Variants in UVRAG observed in about 807,000 individuals in gnomAD.
The protein encoded by UVRAG is UV radiation resistance-associated gene protein.
In UVRAG, 19 loss-of-function variants were observed where a neutral mutation model predicts 78.0. The ratio of observed to expected loss-of-function variants is 0.24; its 90% confidence interval spans 0.17 to 0.36. The LOEUF (loss-of-function observed/expected upper bound fraction) is 0.36, where lower values mean the gene tolerates loss of function less well. UVRAG is among the 10% of genes least tolerant of loss of function. The pLI is 1.00. For missense variants in UVRAG, 740 were observed against 853.8 expected (o/e 0.87, Z 1.66); for synonymous variants, 323 against 324.6 (o/e 1.00, Z 0.05).
At chr11:76,124,906 C>T (rs1952357327) in intron 14 of UVRAG, among the ~76,000 whole-genome samples, 1 of 152,134 alleles carries the variant, frequency 6.6e-6, no homozygotes, top group Admixed American at 6.5e-5. Flanking sequence ...AATAAGTGAG[C>T]CAATCTACTT....
At position 76,019,793 on chromosome 11, in the gene UVRAG, G is replaced by T. The variant is rs139912435; in HGVS notation, c.1226+2813G>T. Among the ~76,000 whole-genome samples the T allele has an allele frequency of 2.9e-3, 449 of 152,292 alleles. 6 individuals are homozygous for T. Among genetic ancestry groups the T allele is most frequent in the African/African-American group, 0.01 (427 of 41,558 alleles). On this transcript the variant is annotated intron_variant, in intron 12 of 14. Coordinates refer to ENST00000356136, the MANE Select transcript of UVRAG (RefSeq NM_003369.4). ...TGGTTCAGACCTGATGCCAGCATAG[G>T]ACTGGGTCTTATCCTAGGCCCTGTG...
chr11:75,910,144 CTAAT>C (rs1197719950), intron 5 of UVRAG, among the ~76,000 whole-genome samples: 9 of 152,126 alleles, frequency 5.9e-5, no homozygotes, highest in African/African-American at 1.2e-4. Context: ...AGGAACTTGT[CTAAT>C]TAAGTTGTCA....
At chr11:76,125,387 A>G (rs1952365934) in intron 14 of UVRAG, among the ~76,000 whole-genome samples, 1 of 152,254 alleles carries the variant, frequency 6.6e-6, no homozygotes, top group Non-Finnish European at 1.5e-5. Flanking sequence ...CACAAGGCAT[A>G]TGGGTATCTG....
rs10553590 is a variant in UVRAG, at chr11:76,004,603, TTTCATTCA to T, written c.911+548_911+555del. 6.6e-3 allele frequency among the ~76,000 whole-genome samples: 983 copies of T among 147,958 alleles called. 5 individuals carry two copies. The highest frequency in any genetic ancestry group is 0.021 in the African/African-American group (828 of 39,896). ...CTTCTTTTTTTAATGTGGAGAAACA[TTTCATTCA>T]TTCATTCATTCATTCATTCATTCAT... is the stretch of plus-strand genomic sequence containing the variant. On this transcript the variant is annotated intron_variant, in intron 9 of 14. Transcript: ENST00000356136.
chr11:76,137,183 A>G, intron 14 of UVRAG: 1 of 368,264 alleles, frequency 2.7e-6, no homozygotes, highest in Non-Finnish European at 5.4e-6. Flanking sequence ...TACTTTGCAC[A>G]CAATTTTCAG....
intron 6 of UVRAG, among the ~76,000 whole-genome samples, chr11:75,918,329 G>A (rs1947904743): frequency 6.7e-6 from 1 of 150,356 alleles, no homozygotes; most frequent in South Asian, 2.1e-4. Context: ...AGTGAGCCGA[G>A]ATCGCGCCGC....
At chr11:75,922,411 G>T (rs2135071102) in intron 6 of UVRAG, among the ~76,000 whole-genome samples, 1 of 151,896 alleles carries the variant, frequency 6.6e-6, no homozygotes. Context: ...ATATCTAATT[G>T]TTTTTATTGC....
chr11:75,923,527 G>A (rs1384382155), intron 6 of UVRAG, among the ~76,000 whole-genome samples: 1 of 152,180 alleles, frequency 6.6e-6, no homozygotes, highest in African/African-American at 2.4e-5. Context: ...GAACTGCTTA[G>A]TACAGTGCCT....
intron 8 of UVRAG, among the ~76,000 whole-genome samples, chr11:75,999,172 G>T (rs1320120110): frequency 2.7e-5 from 4 of 150,392 alleles, no homozygotes; most frequent in African/African-American, 9.8e-5. Flanking sequence ...GGCAGAGGTT[G>T]CAGTGAGCTG....
chr11:75,958,537 C>G (rs138085008), intron 6 of UVRAG, among the ~76,000 whole-genome samples: 1 of 152,282 alleles, frequency 6.6e-6, no homozygotes, highest in East Asian at 1.9e-4. Flanking sequence ...TCTTCAGGCT[C>G]CTCTTATAAT....
intron 13 of UVRAG, among the ~76,000 whole-genome samples, chr11:76,090,579 T>C (rs1194085772): frequency 3.9e-5 from 6 of 152,226 alleles, no homozygotes; most frequent in African/African-American, 7.2e-5. Flanking sequence ...CATTCTTCAG[T>C]TGACCTACCG....
intron 12 of UVRAG, among the ~76,000 whole-genome samples, chr11:76,049,142 A>G (rs1414191823): frequency 1.3e-5 from 2 of 152,214 alleles, no homozygotes; most frequent in African/African-American, 2.4e-5. Flanking sequence ...GCCATGTCTC[A>G]TCTACCTGCT....
At chr11:75,944,284 C>T (rs535996226) in intron 6 of UVRAG, among the ~76,000 whole-genome samples, 16 of 152,218 alleles carry the variant, frequency 1.1e-4, no homozygotes, top group East Asian at 1.9e-4. Flanking sequence ...AACAAGTTAT[C>T]TTAGACTAAT....
intron 4 of UVRAG, among the ~76,000 whole-genome samples, chr11:75,885,298 G>A (rs1311591410): frequency 6.6e-6 from 1 of 151,996 alleles, no homozygotes; most frequent in African/African-American, 2.4e-5. Context: ...GCGTGTTATG[G>A]AAGAAATTCT....
chr11:76,123,719 C>T (rs546310288), intron 14 of UVRAG, among the ~76,000 whole-genome samples: 2 of 152,172 alleles, frequency 1.3e-5, no homozygotes, highest in Admixed American at 6.5e-5. Context: ...CCAGTTTCAA[C>T]GCTATCACTT....
chr11:75,984,714 TA>T (rs1949462937), intron 8 of UVRAG, among the ~76,000 whole-genome samples: 1 of 152,226 alleles, frequency 6.6e-6, no homozygotes, highest in Non-Finnish European at 1.5e-5. Flanking sequence ...TGGTTTTGCC[TA>T]ATTTTGAACT....
chr11:75,841,535 A>T (rs1230868176), intron 1 of UVRAG, among the ~76,000 whole-genome samples: 3 of 105,432 alleles, frequency 2.8e-5, no homozygotes, highest in Non-Finnish European at 5.4e-5. Flanking sequence ...AATGACCTTT[A>T]AAAAAAAACT....
chr11:75,964,657 A>G (rs953670274), intron 7 of UVRAG, among the ~76,000 whole-genome samples: 5 of 152,136 alleles, frequency 3.3e-5, no homozygotes, highest in African/African-American at 1.2e-4. Context: ...AATCCCAGCA[A>G]TTTGGGAGGC....
At chr11:75,909,002 G>C (rs910321957) in intron 5 of UVRAG, among the ~76,000 whole-genome samples, 1 of 151,954 alleles carries the variant, frequency 6.6e-6, no homozygotes, top group Admixed American at 6.6e-5. Flanking sequence ...CTTCTTTCCT[G>C]ATTTTAGTGA....
Sources: allele counts gnomAD v4.1 joint callset (sites outside exome capture counted in the v4.1 genomes callset), GRCh38; gene constraint gnomAD v4.1.1; transcripts MANE v1.5; gene names NCBI Gene and HGNC (gene_info 2026-07-23, HGNC 2026-07-21).